PRUNE2: variants seen among roughly 807,000 people sequenced by gnomAD.
The protein encoded by PRUNE2 is protein prune homolog 2.
PRUNE2 carries 164 observed loss-of-function variants against 252.0 expected under a neutral mutation model. That is an observed-to-expected ratio of 0.65 (90% CI 0.57 to 0.74). The LOEUF is 0.74. Among genes scored for constraint, PRUNE2 ranks in the 30% least tolerant of loss-of-function variants. The probability of loss-of-function intolerance (pLI) is 0.00; values close to 1 mark genes in which losing one functional copy is unlikely to be tolerated. For synonymous variants in PRUNE2, 1,292 were observed against 1,350.2 expected, an observed-to-expected ratio of 0.96 and a Z score of 0.94; for missense variants, 3,495 against 3,711.0, an observed-to-expected ratio of 0.94 and a Z score of 1.51.
intron 4 of PRUNE2, among the ~76,000 whole-genome samples, chr9:76,842,040 A>C (rs2059420181): frequency 6.6e-6 from 1 of 152,252 alleles, no homozygotes; most frequent in Non-Finnish European, 1.5e-5. Context: ...AGCCAAGACA[A>C]TCCTAAGCAA....
In PRUNE2 at chr9:76,706,775, T is replaced by G. The variant is rs1383696430; in HGVS notation, c.5499A>C (p.Ser1833=). 6.2e-7 allele frequency: 1 copy of G among 1,611,006 alleles called. No individual in the cohort carries two copies. The change falls in exon 8 of 19, where the codon TCA becomes TCC. Residue 1833 remains serine (S), a synonymous_variant. Coordinates refer to ENST00000376718, the MANE Select transcript of PRUNE2 (RefSeq NM_015225.3). ...SADSTEWWKA[S]PQEGRLIESP... ...TTTCAATTAGTCTCCCTTCCTGGGG[T>G]GAGGCCTTCCACCACTCAGTGCTAT...
At position 76,707,909 on chromosome 9, in the gene PRUNE2, A is replaced by G; in HGVS notation, c.4365T>C (p.Tyr1455=). ...ETSDGMNFTK[Y]VSVPEKDLEK... Reference sequence around the variant, plus strand: ...CAAGATCCTTTTCAGGTACAGATACATATTTTGTGAAATTCATCCCATCTG... The same window carrying G: ...CAAGATCCTTTTCAGGTACAGATACGTATTTTGTGAAATTCATCCCATCTG... Residue 1455 remains tyrosine, a synonymous_variant, in exon 8 of 19, where the codon TAT becomes TAC. Transcript: ENST00000376718. The G allele has an allele frequency of 1.2e-6, 2 of 1,613,862 alleles. No individual in the cohort carries two copies. The highest frequency in any genetic ancestry group is 1.1e-5 in the South Asian group (1 of 91,072).
At chr9:76,757,940 A>G (rs2051310628) in intron 6 of PRUNE2, among the ~76,000 whole-genome samples, 1 of 152,348 alleles carries the variant, frequency 6.6e-6, no homozygotes, top group Non-Finnish European at 1.5e-5. Context: ...AGAAACATGC[A>G]TACTAAAAAC....
chr9:76,850,924 CA>C (rs1407376391), intron 2 of PRUNE2, among the ~76,000 whole-genome samples: 1 of 151,724 alleles, frequency 6.6e-6, no homozygotes, highest in Non-Finnish European at 1.5e-5. Context: ...TTAGACCCTG[CA>C]CCATTTGTAT....
chr9:76,765,506 A>G (rs2052252695), intron 6 of PRUNE2, among the ~76,000 whole-genome samples: 1 of 152,176 alleles, frequency 6.6e-6, no homozygotes, highest in Non-Finnish European at 1.5e-5. Context: ...GGCACTATAA[A>G]CAGCTCTCAT....
chr9:76,885,810 C>T (rs1255997721), intron 1 of PRUNE2, among the ~76,000 whole-genome samples: 1 of 151,788 alleles, frequency 6.6e-6, no homozygotes, highest in East Asian at 1.9e-4. Context: ...CAGTACCTAC[C>T]AAATAGGGCT....
rs73462305 is a variant in PRUNE2 at position 76,821,846 on chromosome 9, G to T, written c.756+1786C>A. On this transcript the variant is annotated intron_variant, in intron 6 of 18. Transcript: ENST00000376718. ...TTTGCATACCCCTATAATATAAATTGAGGTACATTAAAGCTACAGTAAGTC... is the reference window on the plus strand; with the variant it reads ...TTTGCATACCCCTATAATATAAATTTAGGTACATTAAAGCTACAGTAAGTC... Among the ~76,000 whole-genome samples, 1,307 of 152,172 alleles carry T rather than the reference G, an allele frequency of 8.6e-3. 24 individuals carry two copies. Among genetic ancestry groups the T allele is most frequent in the African/African-American group, 0.03 (1,227 of 41,518 alleles).
chr9:76,799,793 G>A (rs564012170), intron 6 of PRUNE2, among the ~76,000 whole-genome samples: 2 of 152,282 alleles, frequency 1.3e-5, no homozygotes, highest in East Asian at 3.9e-4. Context: ...AGTTAATACT[G>A]ACTTGTTTGG....
rs1349092738 is a variant in PRUNE2, at chr9:76,705,834, TA to T, written c.6439del (p.Tyr2147MetfsTer31). On this transcript the variant is annotated frameshift_variant, in exon 8 of 19. Coordinates refer to ENST00000376718, the MANE Select transcript of PRUNE2 (RefSeq NM_015225.3). LOFTEE classifies it high-confidence loss of function. ...TEPEIDEEPI[Y>X]EPGREFVPSN... The stretch of plus-strand genomic sequence containing the variant: ...TGGGACAAACTCCCGTCCAGGCTCA[TA>T]AATGGGTTCTTCATCTATCTCTGGC... The T allele has an allele frequency of 1.2e-6, 2 of 1,613,704 alleles. No individual in the cohort carries two copies. Among genetic ancestry groups the T allele is most frequent in the Non-Finnish European group, 1.7e-6 (2 of 1,179,890 alleles).
chr9:76,879,973 G>C (rs1189173049), intron 1 of PRUNE2, among the ~76,000 whole-genome samples: 4 of 133,102 alleles, frequency 3.0e-5, no homozygotes, highest in Non-Finnish European at 6.1e-5. Flanking sequence ...GAGTGCAGTG[G>C]TGCAATCTCG....
rs559399349 is a variant in PRUNE2, at chr9:76,705,102, G to A, written c.7172C>T (p.Pro2391Leu). The A allele has an allele frequency of 6.1e-5, 99 of 1,613,974 alleles. No homozygotes were observed. The highest frequency in any genetic ancestry group is 1.6e-4 in the Middle Eastern group (1 of 6,062). ...EEDSLKQSLA[P>L]YTPPFDLSYL... ...AGACAAATCAAAGGGAGGTGTGTAC[G>A]GTGCCAGCGACTGCTTCAGAGAATC... The change falls in exon 8 of 19, where the codon CCG becomes CTG. Residue 2391 changes from proline (P) to leucine (L), a missense_variant. Transcript: ENST00000376718.
chr9:76,817,171 G>T (rs1447162150), intron 6 of PRUNE2, among the ~76,000 whole-genome samples: 1 of 152,158 alleles, frequency 6.6e-6, no homozygotes, highest in Non-Finnish European at 1.5e-5. Context: ...CCCTGAGTTT[G>T]GGGCAATGAC....
intron 12 of PRUNE2, among the ~76,000 whole-genome samples, chr9:76,640,362 A>G (rs1183078941): frequency 6.6e-6 from 1 of 152,212 alleles, no homozygotes; most frequent in Non-Finnish European, 1.5e-5. Flanking sequence ...GAAGAGAGCA[A>G]AACTAACTAA....
chr9:76,893,531 C>A (rs2133552914), intron 1 of PRUNE2, among the ~76,000 whole-genome samples: 1 of 152,268 alleles, frequency 6.6e-6, no homozygotes, highest in Admixed American at 6.5e-5. Flanking sequence ...ACAAAGGGGC[C>A]AATTGTAACA....
chr9:76,634,462 A>C (rs961730738), intron 15 of PRUNE2, among the ~76,000 whole-genome samples: 1 of 144,910 alleles, frequency 6.9e-6, no homozygotes, highest in Non-Finnish European at 1.6e-5. Context: ...ATTTTTGCAA[A>C]GACTAGCTGA....
Position 76,703,754 on chromosome 9 carries a change from G to A in PRUNE2, c.7859C>T (p.Thr2620Met), listed in dbSNP as rs142038632. The change falls in exon 9 of 19, where the codon ACG (threonine) becomes ATG (methionine). Residue 2620 changes from threonine (T) to methionine (M), a missense_variant. Transcript: ENST00000376718. ...TGCAGGGCTTTCAAAAGATGATCTC[G>A]TATCGCTTTTAGAAGACATTTTCTC... Reference protein sequence around the residue: ...SAEKMSSKSDTRSSFESPAQD... With the variant: ...SAEKMSSKSDMRSSFESPAQD... 43 of 1,613,648 alleles carry A rather than the reference G, an allele frequency of 2.7e-5. No homozygotes were observed. The highest frequency in any genetic ancestry group is 3.6e-5 in the Non-Finnish European group (43 of 1,179,820).
At position 76,746,659 on chromosome 9, in the gene PRUNE2, T is replaced by A. The variant is rs554067634; in HGVS notation, c.757-32938A>T. Among the ~76,000 whole-genome samples, 1,101 of 131,054 alleles carry A rather than the reference T, an allele frequency of 8.4e-3. 14 individuals are homozygous for A. The highest frequency in any genetic ancestry group is 0.031 in the African/African-American group (1,066 of 34,732). 86.0% of individuals were successfully genotyped at this position (131,054 alleles called of 152,430 possible). On this transcript the variant is annotated intron_variant, in intron 6 of 18. Coordinates refer to ENST00000376718, the MANE Select transcript of PRUNE2 (RefSeq NM_015225.3). Reference sequence around the variant, plus strand: ...AGCGGAGCTTGCAGTGAGCCGAGATTGCGCCACTGCAGTCCGCAGTCCGGC... The same window carrying A: ...AGCGGAGCTTGCAGTGAGCCGAGATAGCGCCACTGCAGTCCGCAGTCCGGC...
chr9:76,628,552 T>TG (rs59126807), intron 16 of PRUNE2, among the ~76,000 whole-genome samples: 31,123 of 152,040 alleles, frequency 0.2, 3,356 homozygotes, highest in Non-Finnish European at 0.22. Flanking sequence ...CTGTGCAGAG[T>TG]GGGGGACACA....
chr9:76,863,760 C>A (rs2060683546), intron 1 of PRUNE2, among the ~76,000 whole-genome samples: 1 of 152,238 alleles, frequency 6.6e-6, no homozygotes, highest in South Asian at 2.1e-4. Context: ...TAGCTCTTGA[C>A]TGGACTGCAT....
Sources: gnomAD v4.1 joint callset for allele counts (sites outside exome capture counted in the v4.1 genomes callset) on GRCh38, gnomAD v4.1.1 for gene constraint, MANE v1.5 for transcripts, NCBI Gene and HGNC (gene_info 2026-07-23, HGNC 2026-07-21) for gene names.